Variants in SUCLG2 observed in about 807,000 individuals in gnomAD.
SUCLG2 encodes succinate--CoA ligase [GDP-forming] subunit beta, mitochondrial.
In SUCLG2, 42 loss-of-function variants were observed where a neutral mutation model predicts 47.9. The ratio of observed to expected loss-of-function variants is 0.88; its 90% CI spans 0.69 to 1.14. SUCLG2 has a LOEUF of 1.14. Among genes scored for constraint, SUCLG2 ranks in the 50% most tolerant of loss-of-function variants. The pLI is 0.00. For missense variants in SUCLG2, 571 were observed against 525.9 expected, an observed-to-expected ratio of 1.09 and a Z score of -0.84; for synonymous variants, 195 against 197.3, an observed-to-expected ratio of 0.99 and a Z score of 0.10.
rs1040171748 is a variant in SUCLG2, at chr3:67,364,956, A to T, written c.1184-4188T>A. ...AACAAAATAGAAAGTTTCAGCAAAG[A>T]AACAGGATAGAAAGAACCAAATGGA... On this transcript the variant is annotated intron_variant, in intron 10 of 10. Transcript: ENST00000493112. 5.3e-5 allele frequency among the ~76,000 whole-genome samples: 8 copies of T among 152,242 alleles called. 1 individual carries two copies. In the South Asian group the frequency reaches 1.0e-3, roughly 20 times the overall value.
At chr3:67,576,124 G>A (rs1707736235) in intron 2 of SUCLG2, among the ~76,000 whole-genome samples, 1 of 152,188 alleles carries the variant, frequency 6.6e-6, no homozygotes, top group Non-Finnish European at 1.5e-5. Flanking sequence ...TTCCACAGCA[G>A]AGTTTCTGTG....
chr3:67,464,374 T>C (rs1418534432), intron 9 of SUCLG2, among the ~76,000 whole-genome samples: 3 of 152,232 alleles, frequency 2.0e-5, no homozygotes, highest in Non-Finnish European at 2.9e-5. Flanking sequence ...TTCCTGGGAA[T>C]AGCGCTTTTT....
intron 1 of SUCLG2, among the ~76,000 whole-genome samples, chr3:67,653,674 G>A (rs2107393155): frequency 6.6e-6 from 1 of 152,334 alleles, no homozygotes; most frequent in East Asian, 1.9e-4. Flanking sequence ...AGGGAAGAGA[G>A]ATAGTCTACG....
At chr3:67,536,167 C>G (rs572226121) in intron 2 of SUCLG2, among the ~76,000 whole-genome samples, 1 of 152,298 alleles carries the variant, frequency 6.6e-6, no homozygotes, top group Admixed American at 6.5e-5. Flanking sequence ...TGCACACACT[C>G]ATATCCTGCT....
At chr3:67,481,533 T>C (rs766911743) in intron 9 of SUCLG2, among the ~76,000 whole-genome samples, 22 of 152,214 alleles carry the variant, frequency 1.4e-4, no homozygotes, top group Non-Finnish European at 2.6e-4. Flanking sequence ...GGAGATCCCA[T>C]GAAAACACAG....
chr3:67,534,970 T>C (rs1706501499), intron 2 of SUCLG2, among the ~76,000 whole-genome samples: 1 of 151,856 alleles, frequency 6.6e-6, no homozygotes, highest in South Asian at 2.1e-4. Flanking sequence ...CCAGAAGAAA[T>C]CTCTACTGAT....
intron 9 of SUCLG2, among the ~76,000 whole-genome samples, chr3:67,472,313 T>A (rs1326149903): frequency 6.6e-6 from 1 of 152,244 alleles, no homozygotes; most frequent in Non-Finnish European, 1.5e-5. Flanking sequence ...AGACCATGTT[T>A]CCTTTCATGC....
chr3:67,579,253 A>T (rs909380073), intron 2 of SUCLG2, among the ~76,000 whole-genome samples: 2 of 152,196 alleles, frequency 1.3e-5, no homozygotes, highest in Non-Finnish European at 2.9e-5. Context: ...AAATCATGGC[A>T]AGATAAGGCA....
chr3:67,550,150 C>A (rs770924044), intron 2 of SUCLG2, among the ~76,000 whole-genome samples: 2 of 152,158 alleles, frequency 1.3e-5, no homozygotes, highest in Non-Finnish European at 2.9e-5. Context: ...TCTGCACTTG[C>A]CAGAATTAGC....
At chr3:67,522,042 TTATC>T (rs1228232780) in intron 4 of SUCLG2, among the ~76,000 whole-genome samples, 1 of 151,538 alleles carries the variant, frequency 6.6e-6, no homozygotes, top group Admixed American at 6.6e-5. Context: ...ATTTATTTAT[TTATC>T]TATTTATTTA....
chr3:67,572,855 G>A (rs1707650715), intron 2 of SUCLG2, among the ~76,000 whole-genome samples: 2 of 151,646 alleles, frequency 1.3e-5, no homozygotes, highest in South Asian at 2.1e-4. Context: ...CATTCACACT[G>A]GAAAAAAACA....
intron 9 of SUCLG2, among the ~76,000 whole-genome samples, chr3:67,476,746 C>T (rs913636682): frequency 6.6e-6 from 1 of 152,146 alleles, no homozygotes; most frequent in African/African-American, 2.4e-5. Context: ...ATTCTCCTAA[C>T]AATGTAGCTA....
chr3:67,648,033 C>T (rs978043887), intron 1 of SUCLG2, among the ~76,000 whole-genome samples: 6 of 152,198 alleles, frequency 3.9e-5, no homozygotes, highest in African/African-American at 1.4e-4. Context: ...AAATTCAGTG[C>T]AAGAGAAATA....
intron 10 of SUCLG2, among the ~76,000 whole-genome samples, chr3:67,366,262 C>A (rs1284712915): frequency 6.6e-6 from 1 of 152,096 alleles, no homozygotes; most frequent in African/African-American, 2.4e-5. Flanking sequence ...GAGATCGAGA[C>A]CATCCTGGCT....
At chr3:67,471,601 T>C (rs1305226120) in intron 9 of SUCLG2, among the ~76,000 whole-genome samples, 1 of 152,184 alleles carries the variant, frequency 6.6e-6, no homozygotes, top group Non-Finnish European at 1.5e-5. Context: ...TAGGCTGACC[T>C]AGCCTTCTCT....
intron 2 of SUCLG2, among the ~76,000 whole-genome samples, chr3:67,529,504 G>A (rs550833790): frequency 1.3e-5 from 2 of 152,296 alleles, no homozygotes; most frequent in South Asian, 4.1e-4. Flanking sequence ...CTGGAAGGAG[G>A]TATTAATTTT....
intron 2 of SUCLG2, among the ~76,000 whole-genome samples, chr3:67,568,984 C>A (rs1707541825): frequency 6.6e-6 from 1 of 152,170 alleles, no homozygotes; most frequent in Non-Finnish European, 1.5e-5. Context: ...ATTCCTAAGT[C>A]AGAGTTAAGA....
rs570772991 is a variant in SUCLG2, at chr3:67,581,376, C to A, written c.226+28079G>T. Among the ~76,000 whole-genome samples the A allele has an allele frequency of 5.9e-5, 9 of 152,256 alleles. No individual in the cohort carries two copies. In the East Asian group the frequency reaches 1.5e-3, roughly 26 times the overall value. On this transcript the variant is annotated intron_variant, in intron 2 of 10. Transcript: ENST00000307227. ...GTCAACATAATGGGGCTGTCTTCTG[C>A]CATATTTGTTTGTCAAAAGGACTGG...
At chr3:67,492,948 A>G (rs868394584) in intron 9 of SUCLG2, among the ~76,000 whole-genome samples, 2 of 152,236 alleles carry the variant, frequency 1.3e-5, no homozygotes, top group Non-Finnish European at 2.9e-5. Context: ...AAACAGAATT[A>G]TCTTAGACAC....
Sources: gnomAD v4.1 joint callset for allele counts (sites outside exome capture counted in the v4.1 genomes callset) on GRCh38, gnomAD v4.1.1 for gene constraint, MANE v1.5 for transcripts, NCBI Gene and HGNC (gene_info 2026-07-23, HGNC 2026-07-21) for gene names.